HOATZ: variants seen among roughly 807,000 people sequenced by gnomAD.
The protein encoded by HOATZ is HOATZ cilia and flagella associated protein.
A neutral mutation model predicts 24.9 loss-of-function variants in HOATZ; 26 were observed. The ratio of observed to expected loss-of-function variants is 1.04; its 90% CI spans 0.76 to 1.45. The LOEUF is 1.45. HOATZ is among the 40% of genes most tolerant of loss of function. The pLI is 0.00. For missense variants in HOATZ, 226 were observed against 201.5 expected, an observed-to-expected ratio of 1.12 and a Z score of -0.74; for synonymous variants, 83 against 76.6, an observed-to-expected ratio of 1.08 and a Z score of -0.43.
At chr11:111,531,443 A>G (rs573112520) in intron 3 of HOATZ, among the ~76,000 whole-genome samples, 1 of 152,368 alleles carries the variant, frequency 6.6e-6, no homozygotes, top group Admixed American at 6.5e-5. Context: ...AGTAAGATCA[A>G]TACCATAATA....
At chr11:111,519,630 T>C (rs1015120900) in intron 3 of HOATZ, among the ~76,000 whole-genome samples, 1 of 152,202 alleles carries the variant, frequency 6.6e-6, no homozygotes, top group Non-Finnish European at 1.5e-5. Flanking sequence ...CATTCTAGAA[T>C]TTTTAGCTTG....
At chr11:111,517,603 T>C (rs1034910875) in intron 3 of HOATZ, among the ~76,000 whole-genome samples, 1 of 152,172 alleles carries the variant, frequency 6.6e-6, no homozygotes, top group African/African-American at 2.4e-5. Context: ...TAAGATGTGA[T>C]CCCTTATCTC....
intron 3 of HOATZ, among the ~76,000 whole-genome samples, chr11:111,528,480 A>T (rs1460862165): frequency 6.6e-6 from 1 of 152,260 alleles, no homozygotes; most frequent in Admixed American, 6.5e-5. Context: ...CAATTAATTT[A>T]TAATTTAAAA....
At chr11:111,534,923 G>C (rs972566451) in intron 5 of HOATZ, 1 of 157,632 alleles carries the variant, frequency 6.3e-6, no homozygotes, top group Non-Finnish European at 1.4e-5. Flanking sequence ...CCTTATCTCT[G>C]GAATAATGTT....
chr11:111,527,440 G>C (rs1867351535), intron 3 of HOATZ, among the ~76,000 whole-genome samples: 1 of 152,132 alleles, frequency 6.6e-6, no homozygotes, highest in African/African-American at 2.4e-5. Flanking sequence ...ATTTCCAGGA[G>C]GTATAGAAAG....
At position 111,528,159 on chromosome 11, in the gene HOATZ, C is replaced by CAAA. The variant is rs61382111; in HGVS notation, c.340-5576_340-5574dup. 3.2e-3 allele frequency among the ~76,000 whole-genome samples: 473 copies of CAAA among 147,246 alleles called. 2 individuals are homozygous for CAAA. Among genetic ancestry groups the CAAA allele is most frequent in the East Asian group, 4.6e-3 (23 of 5,014 alleles). On this transcript the variant is annotated intron_variant, in intron 3 of 5. Coordinates refer to ENST00000375618, the MANE Select transcript of HOATZ (RefSeq NM_001100388.2). Reference sequence around the variant, plus strand: ...CAACACAGGGAGACCTCATCTCTACCAAAAAAAAAAAAATCGTTTTTTAAT... The same window carrying CAAA: ...CAACACAGGGAGACCTCATCTCTACCAAAAAAAAAAAAAAAATCGTTTTTTAAT...
In HOATZ at chr11:111,514,980, G is replaced by A; in HGVS notation, c.196G>A (p.Val66Met). 1.9e-6 allele frequency: 3 copies of A among 1,613,538 alleles called. No homozygotes were observed. Among genetic ancestry groups the A allele is most frequent in the African/African-American group, 1.3e-5 (1 of 75,046 alleles). The part of the protein sequence containing the change: ...LRRDSSQRLP[V>M]ARPRRSRGSE... ...CAGAGACAGCAGTCAGCGTCTGCCG[G>A]TGGCGCGGCCCAGGAGGAGCAGAGG... is the stretch of plus-strand genomic sequence containing the variant. The change falls in exon 1 of 6, where the codon GTG becomes ATG. Residue 66 changes from valine (V) to methionine (M), a missense_variant. Val to Met is a conservative substitution (Grantham distance 21). Transcript: ENST00000375618.
intron 3 of HOATZ, among the ~76,000 whole-genome samples, chr11:111,522,667 G>A (rs1321526185): frequency 1.3e-5 from 2 of 152,154 alleles, no homozygotes. Flanking sequence ...AGCCACTTGG[G>A]CAGTTCCCAA....
Position 111,536,768 on chromosome 11 carries a change from A to T in HOATZ, c.453-2A>T. The T allele has an allele frequency of 6.2e-7, 1 of 1,611,718 alleles. No individual in the cohort carries two copies. On this transcript the variant is annotated splice_acceptor_variant, in intron 5 of 5. Transcript: ENST00000375618. LOFTEE classifies it high-confidence loss of function. The stretch of plus-strand genomic sequence containing the variant: ...GGAACTGACTGATATTACTACCAAC[A>T]GGAAAGTGGTATCAGAGTCAGATAA...
At chr11:111,533,116 G>A (rs1053556882) in intron 3 of HOATZ, among the ~76,000 whole-genome samples, 4 of 152,180 alleles carry the variant, frequency 2.6e-5, no homozygotes, top group Admixed American at 6.5e-5. Flanking sequence ...TAGGAGAGAC[G>A]AAAGAATAAG....
chr11:111,536,726 G>A, intron 5 of HOATZ, 44 bp from the exon 6 acceptor site: 1 of 1,441,128 alleles, frequency 6.9e-7, no homozygotes, highest in Non-Finnish European at 9.8e-7. Context: ...GTTCACAATG[G>A]CGGAGTTCTG....
At chr11:111,515,218 A>G (rs927881036) in intron 1 of HOATZ, 4 of 601,714 alleles carry the variant, frequency 6.6e-6, no homozygotes, top group African/African-American at 1.9e-5. Flanking sequence ...CTAAAAACAT[A>G]TAAGTTTCCC....
At chr11:111,532,940 A>G (rs1184294198) in intron 3 of HOATZ, among the ~76,000 whole-genome samples, 1 of 152,192 alleles carries the variant, frequency 6.6e-6, no homozygotes, top group East Asian at 1.9e-4. Context: ...CCGCCTGGCT[A>G]TCTCCAAAAC....
chr11:111,532,343 AC>A (rs1473486712), intron 3 of HOATZ, among the ~76,000 whole-genome samples: 2 of 152,198 alleles, frequency 1.3e-5, no homozygotes, highest in African/African-American at 2.4e-5. Flanking sequence ...AACCAGCAGT[AC>A]CTCAGAATGT....
intron 4 of HOATZ, 86 bp from the exon 5 acceptor site, chr11:111,534,326 C>G: frequency 4.2e-6 from 4 of 952,610 alleles, no homozygotes; most frequent in Non-Finnish European, 5.0e-6. Flanking sequence ...GATGATTTTA[C>G]CTCAGCTTTT....
intron 3 of HOATZ, chr11:111,518,884 C>A: frequency 3.1e-6 from 1 of 323,068 alleles, no homozygotes; most frequent in Non-Finnish European, 6.4e-6. Context: ...TACCCAGAGA[C>A]TAGCAGAATG....
intron 3 of HOATZ, among the ~76,000 whole-genome samples, chr11:111,532,724 G>T (rs1867406844): frequency 2.6e-5 from 4 of 152,172 alleles, no homozygotes. Flanking sequence ...CCCTAGGAAG[G>T]TACTCAATAA....
At chr11:111,536,586 C>T in intron 5 of HOATZ, 184 bp from the exon 6 acceptor site, 1 of 516,192 alleles carries the variant, frequency 1.9e-6, no homozygotes, top group South Asian at 2.9e-5. Context: ...CTCCAAACCA[C>T]ACTTCACAAT....
At chr11:111,536,718 T>C in intron 5 of HOATZ, 52 bp from the exon 6 acceptor site, 1 of 1,397,996 alleles carries the variant, frequency 7.2e-7, no homozygotes, top group Non-Finnish European at 1.0e-6. Context: ...TACATCATGT[T>C]CACAATGGCG....
Sources: gnomAD v4.1 joint callset for allele counts (sites outside exome capture counted in the v4.1 genomes callset) on GRCh38, gnomAD v4.1.1 for gene constraint, MANE v1.5 for transcripts, NCBI Gene and HGNC (gene_info 2026-07-23, HGNC 2026-07-21) for gene names.